Variants in NLRP14 observed in about 807,000 individuals in gnomAD.
The protein encoded by NLRP14 is NLR family pyrin domain containing 14.
A neutral mutation model predicts 94.7 loss-of-function variants in NLRP14; 105 were observed. The ratio of observed to expected loss-of-function variants is 1.11; its 90% CI spans 0.95 to 1.30. NLRP14 has a LOEUF of 1.30. Ranked by LOEUF, NLRP14 falls within the 50% of genes most tolerant of loss-of-function variation. NLRP14 has a pLI of 0.00. For missense variants in NLRP14, 1,362 were observed against 1,254.1 expected (o/e 1.09, Z -1.30); for synonymous variants, 508 against 459.9 (o/e 1.10, Z -1.34).
At position 7,059,987 on chromosome 11, in the gene NLRP14, A is replaced by C. The variant is rs1399197625; in HGVS notation, c.2727A>C (p.Ser909=). 6.2e-7 allele frequency: 1 copy of C among 1,612,912 alleles called. No individual in the cohort carries two copies. Among genetic ancestry groups the C allele is most frequent in the Non-Finnish European group, 8.5e-7 (1 of 1,179,088 alleles). ...NKSLTHLDLG[S]NWLQDNGVKL... ...GCCTGACGCATCTGGATCTAGGATCAAACTGGCTACAAGACAATGGAGTGA... is the reference window on the plus strand; with the variant it reads ...GCCTGACGCATCTGGATCTAGGATCCAACTGGCTACAAGACAATGGAGTGA... The change falls in exon 9 of 12, where the codon TCA becomes TCC. Residue 909 remains serine, a synonymous_variant. Coordinates refer to ENST00000299481, the MANE Select transcript of NLRP14 (RefSeq NM_176822.4).
rs746205512 is a variant in NLRP14, at chr11:7,043,897, A to G, written c.1871A>G (p.His624Arg). The G allele has an allele frequency of 1.2e-6, 2 of 1,614,142 alleles. No homozygotes were observed. Among genetic ancestry groups the G allele is most frequent in the Non-Finnish European group, 1.7e-6 (2 of 1,179,990 alleles). The change falls in exon 4 of 12, where the codon CAC becomes CGC. Residue 624 changes from histidine to arginine, a missense_variant. His to Arg is a conservative substitution (Grantham distance 29). Transcript: ENST00000299481. The stretch of plus-strand genomic sequence containing the variant: ...CTTGTATCTTCTTTCTGCCTTAAGC[A>G]CTGCCGGTGTTTGCGGACCATCAGG... Reference protein sequence around the residue: ...HLLVSSFCLKHCRCLRTIRLS... With the variant: ...HLLVSSFCLKRCRCLRTIRLS...
chr11:7,021,026 G>T (rs1851921378), intron 1 of NLRP14, among the ~76,000 whole-genome samples: 1 of 152,170 alleles, frequency 6.6e-6, no homozygotes, highest in East Asian at 1.9e-4. Context: ...AAATACTTTC[G>T]CATCTTTGGG....
chr11:7,073,644 G>T (rs1852833827), downstream of NLRP14, among the ~76,000 whole-genome samples: 1 of 152,030 alleles, frequency 6.6e-6, no homozygotes, highest in South Asian at 2.1e-4. Context: ...CTTTTCCCTG[G>T]GTTCCATAAT....
At chr11:7,051,424 GA>G (rs1852439744) in intron 6 of NLRP14, among the ~76,000 whole-genome samples, 1 of 152,150 alleles carries the variant, frequency 6.6e-6, no homozygotes, top group Admixed American at 6.6e-5. Context: ...ATTGCATTTT[GA>G]TGTTATACTC....
At chr11:7,062,991 T>A (rs1038193808) in intron 10 of NLRP14, among the ~76,000 whole-genome samples, 1 of 152,142 alleles carries the variant, frequency 6.6e-6, no homozygotes, top group African/African-American at 2.4e-5. Flanking sequence ...TTATACAACA[T>A]GAATTATTGA....
intron 5 of NLRP14, among the ~76,000 whole-genome samples, chr11:7,047,885 G>C (rs564285280): frequency 6.7e-6 from 1 of 148,994 alleles, no homozygotes; most frequent in Non-Finnish European, 1.5e-5. Context: ...TCAGCCTCCC[G>C]AGTAGGTGGG....
chr11:7,038,677 A>G lies in NLRP14; in HGVS notation c.91A>G (p.Lys31Glu), dbSNP rs1206264430. 3.1e-6 allele frequency: 5 copies of G among 1,613,804 alleles called. No individual in the cohort carries two copies. Among genetic ancestry groups the G allele is most frequent in the Non-Finnish European group, 4.2e-6 (5 of 1,179,828 alleles). ...ELNKEELNTF[K>E]LFLKETMEPE... is the part of the protein sequence containing the mutation. Reference sequence around the variant, plus strand: ...AAACAAAGAGGAATTAAATACATTCAAGTTATTCCTAAAGGAGACCATGGA... The same window carrying G: ...AAACAAAGAGGAATTAAATACATTCGAGTTATTCCTAAAGGAGACCATGGA... The change falls in exon 2 of 12, where the codon AAG becomes GAG. Residue 31 changes from lysine to glutamate, a missense_variant. By Grantham distance (56) the Lys-to-Glu change is moderately conservative (BLOSUM62 1). Transcript: ENST00000299481.
the NLRP14 span, chr11:7,089,065 A>G: frequency 1.9e-6 from 3 of 1,572,430 alleles, no homozygotes; most frequent in African/African-American, 4.0e-5. Context: ...GAAGGCTGCG[A>G]CTGGCGCCGC....
chr11:7,044,088 C>A, intron 4 of NLRP14, 104 bp downstream of exon 4: 1 of 1,112,550 alleles, frequency 9.0e-7, no homozygotes, highest in East Asian at 2.4e-5. Flanking sequence ...GCTGAGATAA[C>A]CCTCTGGAGT....
At chr11:7,071,852 T>C (rs902738), downstream of NLRP14, among the ~76,000 whole-genome samples, 8,071 of 152,072 alleles carry the variant, frequency 0.053, 334 homozygotes, top group African/African-American at 0.11. Flanking sequence ...CCCAGGCAAA[T>C]TCTTAAGTAT....
At chr11:7,090,139 G>T in the NLRP14 span, 1 of 1,613,288 alleles carries the variant, frequency 6.2e-7, no homozygotes, top group Non-Finnish European at 8.5e-7. Flanking sequence ...TCGAGGGGCC[G>T]ACACCGGGTG....
Position 7,042,443 on chromosome 11 carries a change from C to G in NLRP14, c.417C>G (p.Asp139Glu), listed in dbSNP as rs1437929901. ...RIKEKFCITW[D>E]KKSLAGKPED... ...AGGAAAAATTTTGCATCACTTGGGA[C>G]AAGAAGTCTTTGGCTGGAAAGCCTG... Residue 139 changes from aspartate (D) to glutamate (E), a missense_variant, in exon 4 of 12, where the codon GAC becomes GAG. By Grantham distance (45) the Asp-to-Glu change is conservative. Transcript: ENST00000299481. 5 of 1,613,736 alleles carry G rather than the reference C, an allele frequency of 3.1e-6. No homozygotes were observed. The South Asian group carries it at 5.5e-5, about 18-fold the overall frequency.
chr11:7,056,054 A>G (rs1014280279), intron 6 of NLRP14, among the ~76,000 whole-genome samples: 3 of 152,032 alleles, frequency 2.0e-5, no homozygotes, highest in Non-Finnish European at 2.9e-5. Flanking sequence ...CTGGTGATTG[A>G]TGTTATATAT....
At chr11:7,079,045 A>T in the NLRP14 span, among the ~76,000 whole-genome samples, 24 of 151,994 alleles carry the variant, frequency 1.6e-4, no homozygotes, top group African/African-American at 5.8e-4. Context: ...GTCTTAGGGA[A>T]TTATACCCTG....
chr11:7,034,502 A>C (rs1024150544), intron 1 of NLRP14, among the ~76,000 whole-genome samples: 3 of 152,168 alleles, frequency 2.0e-5, no homozygotes, highest in Non-Finnish European at 2.9e-5. Flanking sequence ...GACATCTCCA[A>C]TTGTAGTAGT....
At chr11:7,062,246 G>C in intron 9 of NLRP14, 87 bp from the exon 10 acceptor site, 1 of 1,112,756 alleles carries the variant, frequency 9.0e-7, no homozygotes. Flanking sequence ...GAGAAAAGAG[G>C]TTCAAATACC....
chr11:7,047,171 TGAG>T (rs1420714587), intron 5 of NLRP14, among the ~76,000 whole-genome samples: 11 of 152,370 alleles, frequency 7.2e-5, no homozygotes, highest in African/African-American at 2.4e-4. Flanking sequence ...TTTTTTCTAT[TGAG>T]GAAAAATTTG....
At position 7,044,190 on chromosome 11, in the gene NLRP14, A is replaced by T. The variant is rs983471313; in HGVS notation, c.1958+206A>T. ...AGGAGTGGGCAAAAACTTTCCTGAG[A>T]TGGCTTTTTTTGGCCTGAAGGCAAT... is the stretch of plus-strand genomic sequence containing the variant. On this transcript the variant is annotated intron_variant, in intron 4 of 11. Transcript: ENST00000299481. Among the ~76,000 whole-genome samples, 3 of 152,078 alleles carry T rather than the reference A, an allele frequency of 2.0e-5. No individual in the cohort carries two copies. In the South Asian group the frequency reaches 6.2e-4, roughly 32 times the overall value.
intron 9 of NLRP14, among the ~76,000 whole-genome samples, chr11:7,061,801 G>A (rs951838577): frequency 2.6e-5 from 4 of 151,954 alleles, no homozygotes; most frequent in South Asian, 2.1e-4. Flanking sequence ...ATATGGTTTA[G>A]TTGGAGAAAA....
Sources: allele counts gnomAD v4.1 joint callset (sites outside exome capture counted in the v4.1 genomes callset), GRCh38; gene constraint gnomAD v4.1.1; transcripts MANE v1.5; gene names NCBI Gene and HGNC (gene_info 2026-07-23, HGNC 2026-07-21).